The following RASEF variants were observed in gnomAD, a reference collection of about 807,000 sequenced individuals.
RASEF encodes the protein ras and EF-hand domain-containing protein.
Under a neutral mutation model 90.1 loss-of-function variants are expected in RASEF, and 68 were observed. The ratio of observed to expected loss-of-function variants is 0.75; its 90% confidence interval spans 0.62 to 0.92. The LOEUF (loss-of-function observed/expected upper bound fraction) is 0.92. RASEF is among the 40% of genes least tolerant of loss of function. The probability of loss-of-function intolerance (pLI) is 0.00; values close to 1 mark genes in which losing one functional copy is unlikely to be tolerated. For missense variants in RASEF, 949 were observed against 937.2 expected, an observed-to-expected ratio of 1.01 and a Z score of -0.16; for synonymous variants, 331 against 345.2, an observed-to-expected ratio of 0.96 and a Z score of 0.46.
chr9:83,096,748 A>T, the RASEF span, among the ~76,000 whole-genome samples: 3 of 151,994 alleles, frequency 2.0e-5, no homozygotes, highest in African/African-American at 7.3e-5. Flanking sequence ...ATCATTTAAC[A>T]TTAGGCATAT....
the RASEF span, among the ~76,000 whole-genome samples, chr9:83,198,038 C>A: frequency 0.095 from 14,391 of 152,282 alleles, 908 homozygotes; most frequent in Admixed American, 0.18. Flanking sequence ...GACAAACTCA[C>A]AAAATCTCAT....
rs566451826 is a variant in RASEF at position 83,062,823 on chromosome 9, T to G, written c.45A>C (p.Ser15=). Residue 15 remains serine (S), a synonymous_variant, in exon 1 of 17, where the codon TCA becomes TCC. Transcript: ENST00000376447. ...GGTTCGCGTCGCAGGCGGCGAAGACTGAGCGCAGCCGGGCCAGCTCCTCTC... is the reference window on the plus strand; with the variant it reads ...GGTTCGCGTCGCAGGCGGCGAAGACGGAGCGCAGCCGGGCCAGCTCCTCTC... The part of the protein sequence containing the change: ...GDGEELARLR[S]VFAACDANRS... 164 of 1,552,692 alleles carry G rather than the reference T, an allele frequency of 1.1e-4. No homozygotes were observed. The highest frequency in any genetic ancestry group is 1.4e-4 in the Non-Finnish European group (157 of 1,160,362).
chr9:83,013,797 C>T (rs753965123), intron 4 of RASEF, among the ~76,000 whole-genome samples: 7 of 152,096 alleles, frequency 4.6e-5, no homozygotes, highest in Non-Finnish European at 7.4e-5. Context: ...TTTTTTAAAT[C>T]ATGAAAAAGA....
At chr9:83,206,892 T>C in the RASEF span, among the ~76,000 whole-genome samples, 6,709 of 152,158 alleles carry the variant, frequency 0.044, 468 homozygotes, top group African/African-American at 0.15. Context: ...GGCGCTCCCC[T>C]CACCTTCCAT....
chr9:83,007,093 CAA>C (rs11394639), intron 7 of RASEF, among the ~76,000 whole-genome samples: 1 of 127,198 alleles, frequency 7.9e-6, no homozygotes, highest in Non-Finnish European at 1.7e-5. Flanking sequence ...GACTCTGTCT[CAA>C]AAAAAAAAAA....
chr9:83,019,197 T>C (rs1829398909), intron 3 of RASEF, among the ~76,000 whole-genome samples: 1 of 152,084 alleles, frequency 6.6e-6, no homozygotes, highest in Non-Finnish European at 1.5e-5. Context: ...TGGGTGAAAA[T>C]ATTTATAGAT....
chr9:83,125,745 T>C, the RASEF span, among the ~76,000 whole-genome samples: 1 of 152,188 alleles, frequency 6.6e-6, no homozygotes, highest in Non-Finnish European at 1.5e-5. Context: ...CCAGGAGCAG[T>C]AGCTGCACAC....
At chr9:83,086,167 A>C in the RASEF span, among the ~76,000 whole-genome samples, 1 of 152,202 alleles carries the variant, frequency 6.6e-6, no homozygotes, top group Non-Finnish European at 1.5e-5. Context: ...GCGTATGTGA[A>C]GAGGTAGAAT....
At chr9:83,023,507 C>T (rs1829480896) in intron 2 of RASEF, among the ~76,000 whole-genome samples, 1 of 152,188 alleles carries the variant, frequency 6.6e-6, no homozygotes, top group African/African-American at 2.4e-5. Flanking sequence ...TTTATTCATG[C>T]ATTGGTTCAA....
At chr9:82,982,826 AG>A (rs764357769) in intron 16 of RASEF, 44 bp from the exon 17 acceptor site, 2 of 1,129,620 alleles carry the variant, frequency 1.8e-6, no homozygotes, top group African/African-American at 3.1e-5. Context: ...AGAGAGAGAG[AG>A]AGAGAGGATT....
the RASEF span, among the ~76,000 whole-genome samples, chr9:83,072,422 C>T: frequency 8.8e-3 from 1,335 of 152,294 alleles, 21 homozygotes; most frequent in African/African-American, 0.03. Flanking sequence ...ACTAATAGGA[C>T]AGATGTATAT....
chr9:83,040,258 G>T (rs1347430655), intron 1 of RASEF, among the ~76,000 whole-genome samples: 1 of 152,116 alleles, frequency 6.6e-6, no homozygotes, highest in African/African-American at 2.4e-5. Flanking sequence ...GTGGGCTGAG[G>T]TTGCTGCAAT....
chr9:83,190,382 T>A, the RASEF span, among the ~76,000 whole-genome samples: 1 of 152,238 alleles, frequency 6.6e-6, no homozygotes, highest in Non-Finnish European at 1.5e-5. Context: ...CTATGAGTTA[T>A]CTATTTCGTT....
At chr9:83,152,576 A>G in the RASEF span, among the ~76,000 whole-genome samples, 5 of 152,242 alleles carry the variant, frequency 3.3e-5, no homozygotes, top group Non-Finnish European at 5.9e-5. Context: ...ATGGAACTAA[A>G]ATGAAAATGT....
the RASEF span, among the ~76,000 whole-genome samples, chr9:83,165,175 C>A: frequency 6.6e-6 from 1 of 152,042 alleles, no homozygotes; most frequent in Non-Finnish European, 1.5e-5. Flanking sequence ...CATTTGTTAA[C>A]TACTTCACTT....
chr9:83,152,042 C>T, the RASEF span, among the ~76,000 whole-genome samples: 1 of 152,120 alleles, frequency 6.6e-6, no homozygotes, highest in African/African-American at 2.4e-5. Context: ...CAGTTATCTT[C>T]CCTCCCCCAG....
upstream of RASEF, among the ~76,000 whole-genome samples, chr9:83,066,921 A>C (rs1473850886): frequency 2.0e-5 from 3 of 152,228 alleles, no homozygotes; most frequent in African/African-American, 7.2e-5. Flanking sequence ...TAGTGCTCTC[A>C]AAACATACTT....
the RASEF span, among the ~76,000 whole-genome samples, chr9:83,158,424 G>C: frequency 1.3e-5 from 2 of 151,362 alleles, no homozygotes; most frequent in African/African-American, 2.4e-5. Context: ...AATTTTATGA[G>C]GGAGAAATGT....
Position 83,022,339 on chromosome 9 carries a change from T to C in RASEF, c.666A>G (p.Lys222=). The change falls in exon 3 of 17, where the codon AAA becomes AAG. Residue 222 remains lysine, a synonymous_variant. Transcript: ENST00000376447. ...AATGGCCAACCCAGAAACTCACGTC[T>C]TTCCGTGTCTTATGTTCTGCAGCCT... ...RIQAAEHKTR[K]DEKRKAEEAL... 1.2e-6 allele frequency: 2 copies of C among 1,613,436 alleles called. No individual in the cohort carries two copies. Among genetic ancestry groups the C allele is most frequent in the Non-Finnish European group, 8.5e-7 (1 of 1,179,470 alleles).
Sources: allele counts gnomAD v4.1 joint callset (sites outside exome capture counted in the v4.1 genomes callset), GRCh38; gene constraint gnomAD v4.1.1; transcripts MANE v1.5; gene names NCBI Gene and HGNC (gene_info 2026-07-23, HGNC 2026-07-21).